MBOAT2: variants seen among roughly 807,000 people sequenced by gnomAD.
MBOAT2 encodes membrane bound glycerophospholipid O-acyltransferase 2.
A neutral mutation model predicts 63.4 loss-of-function variants in MBOAT2; 28 were observed. That is an observed-to-expected ratio of 0.44 (90% CI 0.33 to 0.61). The LOEUF (loss-of-function observed/expected upper bound fraction) is 0.61, where lower values mean the gene tolerates loss of function less well. MBOAT2 is among the 20% of genes least tolerant of loss of function. The probability of loss-of-function intolerance (pLI) is 0.03; values close to 1 mark genes in which losing one functional copy is unlikely to be tolerated. For synonymous variants in MBOAT2, 211 were observed against 215.6 expected, an observed-to-expected ratio of 0.98 and a Z score of 0.19; for missense variants, 470 against 605.8, an observed-to-expected ratio of 0.78 and a Z score of 2.35.
intron 3 of MBOAT2, among the ~76,000 whole-genome samples, chr2:8,942,012 T>A (rs1306199376): frequency 6.6e-6 from 1 of 152,216 alleles, no homozygotes; most frequent in Non-Finnish European, 1.5e-5. Context: ...GGTACAAGTT[T>A]TTTAAAAAAT....
At chr2:8,867,608 C>A (rs1436730549) in intron 9 of MBOAT2, among the ~76,000 whole-genome samples, 1 of 152,232 alleles carries the variant, frequency 6.6e-6, no homozygotes, top group Non-Finnish European at 1.5e-5. Context: ...TCACCATAAA[C>A]CTAGATGTTT....
At chr2:8,967,786 T>C (rs1249576155) in intron 1 of MBOAT2, among the ~76,000 whole-genome samples, 2 of 152,124 alleles carry the variant, frequency 1.3e-5, no homozygotes, top group South Asian at 4.1e-4. Flanking sequence ...CTGAAATATT[T>C]TGAGTATAAC....
intron 4 of MBOAT2, among the ~76,000 whole-genome samples, chr2:8,897,780 C>T (rs902477314): frequency 6.6e-6 from 1 of 152,208 alleles, no homozygotes; most frequent in African/African-American, 2.4e-5. Flanking sequence ...AATTTGTTGG[C>T]AGTCATGCTC....
chr2:8,936,034 C>T (rs751525533), intron 3 of MBOAT2, among the ~76,000 whole-genome samples: 3 of 152,182 alleles, frequency 2.0e-5, no homozygotes, highest in Non-Finnish European at 4.4e-5. Context: ...CTACTGAATA[C>T]GGTCAGTGGC....
rs576488642 is a variant in MBOAT2, at chr2:8,899,813, T to C, written c.395+8808A>G. 2.0e-3 allele frequency among the ~76,000 whole-genome samples: 311 copies of C among 152,368 alleles called. 1 individual carries two copies. Among genetic ancestry groups the C allele is most frequent in the African/African-American group, 7.0e-3 (292 of 41,588 alleles). On this transcript the variant is annotated intron_variant, in intron 4 of 12. Coordinates refer to ENST00000305997, the MANE Select transcript of MBOAT2 (RefSeq NM_138799.4). ...GAGGGCCATGACTAAGGCTGCGGCC[T>C]TTCTCTGATCTCGCTTTTCCTTTTG...
chr2:8,959,156 G>T (rs1669440259), intron 1 of MBOAT2, among the ~76,000 whole-genome samples: 2 of 152,124 alleles, frequency 1.3e-5, no homozygotes, highest in Non-Finnish European at 1.5e-5. Context: ...GGAGTAAAGG[G>T]GAATCTACTG....
intron 1 of MBOAT2, among the ~76,000 whole-genome samples, chr2:8,969,129 G>A (rs1412391420): frequency 1.3e-5 from 2 of 152,068 alleles, no homozygotes; most frequent in African/African-American, 2.4e-5. Flanking sequence ...GAGAAAGGTC[G>A]GGTTATCCAC....
chr2:8,894,460 A>T (rs1664275513), intron 4 of MBOAT2, among the ~76,000 whole-genome samples: 1 of 152,232 alleles, frequency 6.6e-6, no homozygotes, highest in African/African-American at 2.4e-5. Flanking sequence ...TGAATGATTC[A>T]TATCGACCCT....
At chr2:8,966,343 T>C (rs1328993920) in intron 1 of MBOAT2, among the ~76,000 whole-genome samples, 1 of 152,144 alleles carries the variant, frequency 6.6e-6, no homozygotes, top group Non-Finnish European at 1.5e-5. Flanking sequence ...TAAGAAGACA[T>C]AGTATAGACA....
chr2:8,939,311 G>A (rs140862474), intron 3 of MBOAT2, among the ~76,000 whole-genome samples: 152 of 152,296 alleles, frequency 1.0e-3, no homozygotes, highest in Middle Eastern at 3.4e-3. Flanking sequence ...AGCTGAACCC[G>A]ATGGAGGTCC....
chr2:8,912,395 GAA>G (rs1665848927), intron 3 of MBOAT2, among the ~76,000 whole-genome samples: 3 of 144,536 alleles, frequency 2.1e-5, no homozygotes, highest in South Asian at 2.2e-4. Flanking sequence ...AAGAAAGAAA[GAA>G]AGAAAGAAAG....
At position 8,996,666 on chromosome 2, in the gene MBOAT2, G is replaced by A. The variant is rs138176882; in HGVS notation, c.75+6874C>T. Among the ~76,000 whole-genome samples the A allele has an allele frequency of 1.8e-3, 281 of 152,248 alleles. 3 individuals are homozygous for A. Among genetic ancestry groups the A allele is most frequent in the African/African-American group, 6.3e-3 (262 of 41,540 alleles). Reference sequence around the variant, plus strand: ...CCCTGCTCCACAGCCACTATCTTGGGGTTCTGCTCCTTCCTTCCCTCTTGA... The same window carrying A: ...CCCTGCTCCACAGCCACTATCTTGGAGTTCTGCTCCTTCCTTCCCTCTTGA... On this transcript the variant is annotated intron_variant, in intron 1 of 12. Coordinates refer to ENST00000305997, the MANE Select transcript of MBOAT2 (RefSeq NM_138799.4).
chr2:8,890,160 G>A (rs58381487), intron 4 of MBOAT2, among the ~76,000 whole-genome samples: 1 of 152,114 alleles, frequency 6.6e-6, no homozygotes, highest in African/African-American at 2.4e-5. Flanking sequence ...CCTTTACCCA[G>A]ACTACTCTTC....
At chr2:8,860,176 G>A (rs1042748835) in intron 12 of MBOAT2, among the ~76,000 whole-genome samples, 5 of 152,088 alleles carry the variant, frequency 3.3e-5, no homozygotes, top group Admixed American at 6.5e-5. Context: ...GGGCGACAGA[G>A]CAAGATTCCG....
At chr2:8,892,324 A>G (rs372165580) in intron 4 of MBOAT2, among the ~76,000 whole-genome samples, 2 of 152,306 alleles carry the variant, frequency 1.3e-5, no homozygotes, top group East Asian at 3.9e-4. Context: ...CTAAGTGTAC[A>G]AGTACCCTTT....
intron 4 of MBOAT2, among the ~76,000 whole-genome samples, chr2:8,890,061 T>C (rs1663876850): frequency 6.6e-6 from 1 of 152,090 alleles, no homozygotes; most frequent in African/African-American, 2.4e-5. Flanking sequence ...TGTAGCTGTA[T>C]TGCTGGTTCC....
intron 4 of MBOAT2, among the ~76,000 whole-genome samples, chr2:8,902,061 T>A (rs1664976666): frequency 6.6e-6 from 1 of 152,170 alleles, no homozygotes; most frequent in Non-Finnish European, 1.5e-5. Context: ...TTCCTCTCTG[T>A]CAACCCTCAG....
intron 1 of MBOAT2, among the ~76,000 whole-genome samples, chr2:8,977,284 T>A (rs1443725136): frequency 6.6e-6 from 1 of 152,130 alleles, no homozygotes; most frequent in Non-Finnish European, 1.5e-5. Flanking sequence ...AACCTTGCAA[T>A]GTGATTGAGA....
chr2:8,944,673 A>C (rs1668288024), intron 2 of MBOAT2, among the ~76,000 whole-genome samples: 1 of 151,972 alleles, frequency 6.6e-6, no homozygotes, highest in African/African-American at 2.4e-5. Flanking sequence ...ACACACACAC[A>C]CACACACACA....
Sources: allele counts gnomAD v4.1 joint callset (sites outside exome capture counted in the v4.1 genomes callset), GRCh38; gene constraint gnomAD v4.1.1; transcripts MANE v1.5; gene names NCBI Gene and HGNC (gene_info 2026-07-23, HGNC 2026-07-21).